The following RYR2 variants were observed in gnomAD, a reference collection of about 807,000 sequenced individuals.
RYR2 encodes the protein ryanodine receptor 2.
RYR2 carries 227 observed loss-of-function variants against 601.1 expected under a neutral mutation model. That is an observed-to-expected ratio of 0.38 (90% CI 0.34 to 0.42). The LOEUF (loss-of-function observed/expected upper bound fraction) is 0.42. Among genes scored for constraint, RYR2 ranks in the 10% least tolerant of loss-of-function variants. The probability of loss-of-function intolerance (pLI) is 1.00; values close to 1 mark genes in which losing one functional copy is unlikely to be tolerated. For missense variants in RYR2, 4,646 were observed against 6,156.5 expected (o/e 0.75, Z 8.21); for synonymous variants, 2,223 against 2,175.1 (o/e 1.02, Z -0.61).
chr1:237,331,047 C>G (rs1696660422), intron 3 of RYR2, 65 bp downstream of exon 3: 1 of 1,296,174 alleles, frequency 7.7e-7, no homozygotes, highest in East Asian at 2.3e-5. Context: ...GGAACAATTT[C>G]TTTCACAGGT....
chr1:237,259,648 C>T (rs1035004973), intron 1 of RYR2, among the ~76,000 whole-genome samples: 2 of 152,038 alleles, frequency 1.3e-5, no homozygotes, highest in African/African-American at 2.4e-5. Context: ...TAGAAGGCTA[C>T]AGATAGGCTT....
intron 1 of RYR2, among the ~76,000 whole-genome samples, chr1:237,119,187 G>A (rs1055431108): frequency 7.2e-5 from 11 of 152,176 alleles, no homozygotes; most frequent in African/African-American, 2.2e-4. Flanking sequence ...AAGAGACACC[G>A]GGAGGGTGTG....
At chr1:237,711,598 C>T in intron 70 of RYR2, 147 bp from the exon 71 acceptor site, 1 of 598,480 alleles carries the variant, frequency 1.7e-6, no homozygotes, top group Non-Finnish European at 3.0e-6. Context: ...TCATTAGATA[C>T]TCAAGAAATA....
chr1:237,832,649 C>T lies in RYR2; in HGVS notation c.*2C>T. On this transcript the variant is annotated 3_prime_UTR_variant, in exon 105 of 105. Transcript: ENST00000366574. ...CAGTATGAAGACCAGCTAAATTAAA[C>T]TCAGACCCAATCACCTCTAAAAACC... The T allele has an allele frequency of 6.2e-7, 1 of 1,600,988 alleles. No homozygotes were observed. Among genetic ancestry groups the T allele is most frequent in the Non-Finnish European group, 8.6e-7 (1 of 1,169,454 alleles).
At position 237,596,848 on chromosome 1, in the gene RYR2, A is replaced by G. The variant is rs369234320; in HGVS notation, c.4596+1191A>G. On this transcript the variant is annotated intron_variant, in intron 34 of 104. Transcript: ENST00000366574. ...AAACCTTGAAGGCTAGGGAAATGAG[A>G]TATATTCAATGTGCTGAAAGAACAA... Among the ~76,000 whole-genome samples the G allele has an allele frequency of 2.1e-3, 327 of 152,372 alleles. 4 individuals are homozygous for G. Among genetic ancestry groups the G allele is most frequent in the African/African-American group, 7.5e-3 (312 of 41,592 alleles).
intron 47 of RYR2, among the ~76,000 whole-genome samples, chr1:237,642,877 A>C (rs1426054447): frequency 6.6e-6 from 1 of 152,204 alleles, no homozygotes; most frequent in South Asian, 2.1e-4. Context: ...TATGCAATTC[A>C]TTTCTTAGCA....
intron 1 of RYR2, among the ~76,000 whole-genome samples, chr1:237,127,673 C>T (rs1251954725): frequency 1.1e-4 from 16 of 147,850 alleles, no homozygotes; most frequent in African/African-American, 1.3e-4. Context: ...TCAGACGGGG[C>T]GGCCGGGCAG....
intron 2 of RYR2, among the ~76,000 whole-genome samples, chr1:237,323,562 C>A: frequency 6.6e-6 from 1 of 152,128 alleles, no homozygotes; most frequent in Non-Finnish European, 1.5e-5. Flanking sequence ...ATGAATTGGC[C>A]TATCTACTTA....
intron 1 of RYR2, among the ~76,000 whole-genome samples, chr1:237,118,937 G>A (rs960208669): frequency 5.9e-5 from 9 of 151,408 alleles, no homozygotes; most frequent in African/African-American, 1.9e-4. Flanking sequence ...AAAACCCCTT[G>A]TGCAAAAAAA....
intron 48 of RYR2, among the ~76,000 whole-genome samples, chr1:237,646,944 T>G (rs1014183019): frequency 6.6e-6 from 1 of 152,136 alleles, no homozygotes; most frequent in Admixed American, 6.6e-5. Context: ...GGCAGATGCA[T>G]TTGTGGCATT....
intron 16 of RYR2, among the ~76,000 whole-genome samples, chr1:237,464,188 A>G (rs908808364): frequency 1.4e-4 from 21 of 152,242 alleles, no homozygotes; most frequent in African/African-American, 4.8e-4. Flanking sequence ...TCCAAATTCC[A>G]GGTTCATGGA....
intron 1 of RYR2, among the ~76,000 whole-genome samples, chr1:237,238,322 C>A (rs12090182): frequency 0.014 from 2,058 of 152,174 alleles, 43 homozygotes; most frequent in African/African-American, 0.045. Context: ...ACCTGGAAGT[C>A]CCCCTCCCCC....
chr1:237,595,179 A>G (rs1048553974), intron 33 of RYR2, among the ~76,000 whole-genome samples: 5 of 151,994 alleles, frequency 3.3e-5, no homozygotes, highest in African/African-American at 1.2e-4. Context: ...AAATAGTTAA[A>G]CTTTTTTGAA....
At chr1:237,099,980 G>A (rs1208119245) in intron 1 of RYR2, among the ~76,000 whole-genome samples, 4 of 152,210 alleles carry the variant, frequency 2.6e-5, no homozygotes, top group Non-Finnish European at 4.4e-5. Context: ...CCTTCCAGCT[G>A]CACAGTATCC....
At chr1:237,608,872 AG>A (rs1267249873) in intron 35 of RYR2, among the ~76,000 whole-genome samples, 1 of 146,810 alleles carries the variant, frequency 6.8e-6, no homozygotes, top group Non-Finnish European at 1.5e-5. Context: ...TGATATATTC[AG>A]TCATCTATTG....
At chr1:237,115,605 C>A (rs547974360) in intron 1 of RYR2, among the ~76,000 whole-genome samples, 1 of 152,092 alleles carries the variant, frequency 6.6e-6, no homozygotes, top group Non-Finnish European at 1.5e-5. Context: ...ATAATTACTA[C>A]CAAAGACAAA....
At chr1:237,414,837 A>G (rs1181671661) in intron 10 of RYR2, among the ~76,000 whole-genome samples, 2 of 152,202 alleles carry the variant, frequency 1.3e-5, no homozygotes, top group Non-Finnish European at 2.9e-5. Flanking sequence ...TTGAGCCTAG[A>G]GGACGTATGT....
At chr1:237,181,876 A>T (rs921840774) in intron 1 of RYR2, among the ~76,000 whole-genome samples, 3 of 152,178 alleles carry the variant, frequency 2.0e-5, no homozygotes, top group Non-Finnish European at 4.4e-5. Context: ...TAGTTCCGTG[A>T]TGGTTAATCC....
intron 1 of RYR2, among the ~76,000 whole-genome samples, chr1:237,071,676 G>T (rs60784951): frequency 0.065 from 9,845 of 152,282 alleles, 1,012 homozygotes; most frequent in African/African-American, 0.22. Flanking sequence ...GCTTCAGGTC[G>T]TGCCTGGCTT....
Sources: gnomAD v4.1 joint callset for allele counts (sites outside exome capture counted in the v4.1 genomes callset) on GRCh38, gnomAD v4.1.1 for gene constraint, MANE v1.5 for transcripts, NCBI Gene and HGNC (gene_info 2026-07-23, HGNC 2026-07-21) for gene names.